The following HEATR1 variants were observed in gnomAD, a reference collection of about 807,000 sequenced individuals.
The protein encoded by HEATR1 is HEAT repeat containing 1.
HEATR1 carries 77 observed loss-of-function variants against 248.2 expected under a neutral mutation model. The ratio of observed to expected loss-of-function variants is 0.31; its 90% CI spans 0.26 to 0.37. The LOEUF is 0.37. Ranked by LOEUF, HEATR1 falls within the 10% of genes least tolerant of loss-of-function variation. HEATR1 has a pLI of 1.00. For synonymous variants in HEATR1, 897 were observed against 923.1 expected (o/e 0.97, Z 0.51); for missense variants, 2,420 against 2,504.9 (o/e 0.97, Z 0.72).
chr1:236,561,180 G>A lies in HEATR1; in HGVS notation c.4646+45C>T, dbSNP rs370487730. 1,501 of 1,332,930 alleles carry A rather than the reference G, an allele frequency of 1.1e-3. 3 individuals carry two copies. The highest frequency in any genetic ancestry group is 1.4e-3 in the Non-Finnish European group (1,302 of 929,036). 82.6% of individuals were successfully genotyped at this position (1,332,930 alleles called of 1,614,324 possible). A position where few individuals can be genotyped will look rare whatever the true frequency, so the allele number is the denominator to read the frequency against. ...GTTTTTCCAGGTTTTCTATAAGTTT[G>A]AAGTCATTTCCAAATAAAAAGTAGA... On this transcript the variant is annotated intron_variant, in intron 33 of 44. Transcript: ENST00000366582.
intron 22 of HEATR1, among the ~76,000 whole-genome samples, chr1:236,575,906 T>C (rs1428826978): frequency 1.3e-5 from 2 of 152,212 alleles, no homozygotes; most frequent in East Asian, 1.9e-4. Flanking sequence ...AAAACAGAGA[T>C]GAACCAACAG....
chr1:236,587,418 A>C lies in HEATR1; in HGVS notation c.1699T>G (p.Ser567Ala). ...AATACATACCATTCTCCATTCTTTG[A>C]AAGTTCTGCTCTTTGAAAGAGATTC... ...LLNLFQRAEL[S>A]KNGEWYEVLK... is the part of the protein sequence containing the mutation. The change falls in exon 14 of 45, where the codon TCA (serine) becomes GCA (alanine). Residue 567 changes from serine to alanine, a missense_variant. Physicochemically the swap from Ser to Ala is moderately conservative, Grantham distance 99 (BLOSUM62 1). Transcript: ENST00000366582. 1.3e-6 allele frequency: 2 copies of C among 1,515,644 alleles called. No individual in the cohort carries two copies. Among genetic ancestry groups the C allele is most frequent in the Non-Finnish European group, 1.8e-6 (2 of 1,117,850 alleles). The allele number at this position is 1,515,644 out of a possible 1,614,324, so 93.9% of individuals were successfully genotyped here.
intron 6 of HEATR1, among the ~76,000 whole-genome samples, chr1:236,596,484 C>T (rs74147506): frequency 0.018 from 2,671 of 152,278 alleles, 16 homozygotes; most frequent in Middle Eastern, 0.068. Context: ...GAAGGAGAAA[C>T]GCTGAGAGGC....
At chr1:236,587,376 T>C (rs368210552) in intron 14 of HEATR1, 26 bp downstream of exon 14, 357 of 1,134,042 alleles carry the variant, frequency 3.1e-4, no homozygotes, top group Admixed American at 5.8e-4. Flanking sequence ...CAATTCAAAA[T>C]AGTATGAGGA....
chr1:236,562,265 A>G (rs1017839515), intron 32 of HEATR1, among the ~76,000 whole-genome samples: 3 of 152,254 alleles, frequency 2.0e-5, no homozygotes, highest in African/African-American at 4.8e-5. Flanking sequence ...ATGCAGAGCA[A>G]TAATCTTCTC....
chr1:236,557,283 T>G lies in HEATR1; in HGVS notation c.5267A>C (p.Tyr1756Ser), dbSNP rs781615267. Residue 1756 changes from tyrosine (Y) to serine (S), a missense_variant, in exon 37 of 45, where the codon TAC (tyrosine) becomes TCC (serine). Coordinates refer to ENST00000366582, the MANE Select transcript of HEATR1 (RefSeq NM_018072.6). ...CAGAGCAGCCAAGGCACTGAGCAGG[T>G]AGACCTCGCTGGAGACCAGCTCGCT... is the stretch of plus-strand genomic sequence containing the variant. ...NTSELVSSEV[Y>S]LLSALAALQK... The G allele has an allele frequency of 1.2e-6, 2 of 1,614,170 alleles. No homozygotes were observed. The highest frequency in any genetic ancestry group is 2.2e-5 in the South Asian group (2 of 91,082).
chr1:236,554,871 AATC>A, intron 41 of HEATR1, 119 bp from the exon 42 acceptor site: 2 of 888,802 alleles, frequency 2.3e-6, no homozygotes, highest in Non-Finnish European at 3.4e-6. Context: ...ATGATCTAGA[AATC>A]ATAATCAGGA....
chr1:236,594,530 A>C (rs1278491513), intron 8 of HEATR1, among the ~76,000 whole-genome samples: 2 of 152,210 alleles, frequency 1.3e-5, no homozygotes, highest in Non-Finnish European at 2.9e-5. Context: ...TATAATAAAC[A>C]TATGAATCTG....
At position 236,592,115 on chromosome 1, in the gene HEATR1, G is replaced by A; in HGVS notation, c.1305-5C>T. ...ACATCTAATGTTCTGGGGTATCTGG[G>A]AAGCAATTAAAAAGTGAATTCATTA... On this transcript the variant is annotated splice_region_variant and splice_polypyrimidine_tract_variant and intron_variant, in intron 10 of 44. Transcript: ENST00000366582. 1 of 1,440,308 alleles carries A rather than the reference G, an allele frequency of 6.9e-7. No individual in the cohort carries two copies. The highest frequency in any genetic ancestry group is 1.2e-5 in the South Asian group (1 of 80,210). The allele number at this position is 1,440,308 out of a possible 1,614,324, so 89.2% of individuals were successfully genotyped here. A position where few individuals can be genotyped will look rare whatever the true frequency, so the allele number is the denominator to read the frequency against.
intron 33 of HEATR1, 30 bp downstream of exon 33, chr1:236,561,195 T>TA: frequency 1.3e-6 from 2 of 1,517,078 alleles, no homozygotes; most frequent in Non-Finnish European, 1.8e-6. Flanking sequence ...CATTTCCAAA[T>TA]AAAAAGTAGA....
chr1:236,594,713 A>G (rs1664126719), intron 8 of HEATR1, among the ~76,000 whole-genome samples: 1 of 152,212 alleles, frequency 6.6e-6, no homozygotes, highest in Admixed American at 6.5e-5. Context: ...CTTTCTTAGT[A>G]TTCTCCAAGT....
At chr1:236,553,848 T>G in intron 42 of HEATR1, 109 bp from the exon 43 acceptor site, 1 of 1,203,276 alleles carries the variant, frequency 8.3e-7, no homozygotes, top group Non-Finnish European at 1.2e-6. Flanking sequence ...TATTAGCAGG[T>G]TCAAAAACCA....
At chr1:236,553,479 C>T (rs1218435018) in intron 43 of HEATR1, 102 bp downstream of exon 43, 6 of 1,153,696 alleles carry the variant, frequency 5.2e-6, no homozygotes, top group Non-Finnish European at 7.3e-6. Context: ...AATGTTCTTC[C>T]CTGCCAGTTT....
chr1:236,600,966 G>A (rs1664307404), intron 3 of HEATR1, among the ~76,000 whole-genome samples: 1 of 152,002 alleles, frequency 6.6e-6, no homozygotes, highest in Non-Finnish European at 1.5e-5. Context: ...AGTAATCAAC[G>A]GCAACCTACT....
At position 236,581,383 on chromosome 1, in the gene HEATR1, T is replaced by C. The variant is rs943144674; in HGVS notation, c.2594A>G (p.Lys865Arg). ...ATAGGTCCATAAAACAGAACAGAAC[T>C]TGAATAACTGAAAAACATCTTCTAG... Reference protein sequence around the residue: ...VHLEDVFQLFKFCSVLWTYGS... With the variant: ...VHLEDVFQLFRFCSVLWTYGS... Residue 865 changes from lysine to arginine, a missense_variant, in exon 20 of 45, where the codon AAG becomes AGG. Lys to Arg is a conservative substitution (Grantham distance 26). Coordinates refer to ENST00000366582, the MANE Select transcript of HEATR1 (RefSeq NM_018072.6). The C allele has an allele frequency of 6.4e-7, 1 of 1,552,504 alleles. No homozygotes were observed. Among genetic ancestry groups the C allele is most frequent in the African/African-American group, 1.4e-5 (1 of 71,206 alleles).
chr1:236,556,129 T>C lies in HEATR1; in HGVS notation c.5485A>G (p.Thr1829Ala). 6.2e-7 allele frequency: 1 copy of C among 1,614,118 alleles called. No homozygotes were observed. The highest frequency in any genetic ancestry group is 8.5e-7 in the Non-Finnish European group (1 of 1,180,008). The change falls in exon 38 of 45, where the codon ACT (threonine) becomes GCT (alanine). Residue 1829 changes from threonine (T) to alanine (A), a missense_variant. Physicochemically the swap from Thr to Ala is moderately conservative, Grantham distance 58. Transcript: ENST00000366582. Reference sequence around the variant, plus strand: ...CAGTTCTTCTCAATCTGCTTGTAAGTTTTTTTGATGGCGGGCAACAGGACT... The same window carrying C: ...CAGTTCTTCTCAATCTGCTTGTAAGCTTTTTTGATGGCGGGCAACAGGACT... ...PRVLLPAIKK[T>A]YKQIEKNWKN...
At chr1:236,586,161 C>A in intron 15 of HEATR1, 80 bp downstream of exon 15, 1 of 1,315,606 alleles carries the variant, frequency 7.6e-7, no homozygotes, top group South Asian at 1.5e-5. Context: ...TAAGCATGAC[C>A]AACAATAAAT....
Position 236,604,415 on chromosome 1 carries a change from C to T in HEATR1, c.-33+7G>A, listed in dbSNP as rs1664417987. On this transcript the variant is annotated splice_region_variant and intron_variant, in intron 1 of 44. Transcript: ENST00000366582. The stretch of plus-strand genomic sequence containing the variant: ...GCAGCCACATCAAGCGGCTCTGTGC[C>T]GCTTACCTGGAACTGGGAATTTGGG... 4.1e-6 allele frequency: 1 copy of T among 242,420 alleles called. No homozygotes were observed. Among genetic ancestry groups the T allele is most frequent in the African/African-American group, 2.2e-5 (1 of 44,612 alleles). 15.0% of individuals were successfully genotyped at this position (242,420 alleles called of 1,614,324 possible). A position where few individuals can be genotyped will look rare whatever the true frequency, so the allele number is the denominator to read the frequency against.
intron 8 of HEATR1, among the ~76,000 whole-genome samples, chr1:236,594,550 C>T (rs181443852): frequency 1.2e-4 from 18 of 152,248 alleles, no homozygotes; most frequent in African/African-American, 4.1e-4. Flanking sequence ...GATCTTAGCC[C>T]TTGCTTTCAA....
Sources: allele counts gnomAD v4.1 joint callset (sites outside exome capture counted in the v4.1 genomes callset), GRCh38; gene constraint gnomAD v4.1.1; transcripts MANE v1.5; gene names NCBI Gene and HGNC (gene_info 2026-07-23, HGNC 2026-07-21).